ODAD1: variants seen among roughly 807,000 people sequenced by gnomAD.
The protein encoded by ODAD1 is outer dynein arm-docking complex subunit 1.
A neutral mutation model predicts 67.2 loss-of-function variants in ODAD1; 49 were observed. That is an observed-to-expected ratio of 0.73 (90% CI 0.58 to 0.92). ODAD1 has a LOEUF of 0.92. Among genes scored for constraint, ODAD1 ranks in the 40% least tolerant of loss-of-function variants. The probability of loss-of-function intolerance (pLI) is 0.00; values close to 1 mark genes in which losing one functional copy is unlikely to be tolerated. For missense variants in ODAD1, 897 were observed against 953.7 expected (o/e 0.94, Z 0.78); for synonymous variants, 345 against 393.7 (o/e 0.88, Z 1.46).
rs1600866411 is a variant in ODAD1, at chr19:48,308,684, G to A, written c.598-2361C>T. Reference sequence around the variant, plus strand: ...CTGACCCTTCTGAGTTGGGATGGGAGCTCCCCGTGTGCAGCTGCAGCCACC... The same window carrying A: ...CTGACCCTTCTGAGTTGGGATGGGAACTCCCCGTGTGCAGCTGCAGCCACC... On this transcript the variant is annotated intron_variant, in intron 7 of 15. Coordinates refer to ENST00000674294, the MANE Select transcript of ODAD1 (RefSeq NM_001364171.2). 2.0e-5 allele frequency among the ~76,000 whole-genome samples: 3 copies of A among 152,252 alleles called. No individual in the cohort carries two copies. In the South Asian group the frequency reaches 6.2e-4, roughly 31 times the overall value.
In ODAD1 at chr19:48,297,366, G is replaced by C. The variant is rs1394478466; in HGVS notation, c.1734C>G (p.Ile578Met). Reference sequence around the variant, plus strand: ...TCTTGTGGCTCAAAATGGACCCGGGGATGGCATGGGGGTGCCTGGTGGGCA... The same window carrying C: ...TCTTGTGGCTCAAAATGGACCCGGGCATGGCATGGGGGTGCCTGGTGGGCA... The part of the protein sequence containing the change: ...VLVPTRHPHA[I>M]PGSILSHKTS... Residue 578 changes from isoleucine (I) to methionine (M), a missense_variant, in exon 16 of 16, where the codon ATC becomes ATG. Coordinates refer to ENST00000674294, the MANE Select transcript of ODAD1 (RefSeq NM_001364171.2). The C allele has an allele frequency of 1.9e-6, 3 of 1,609,758 alleles. No individual in the cohort carries two copies. Among genetic ancestry groups the C allele is most frequent in the Non-Finnish European group, 2.5e-6 (3 of 1,179,966 alleles).
At chr19:48,298,579 C>T (rs1300700057) in intron 12 of ODAD1, among the ~76,000 whole-genome samples, 4 of 152,192 alleles carry the variant, frequency 2.6e-5, no homozygotes, top group African/African-American at 9.6e-5. Context: ...GAAGCCTTCC[C>T]AGTGACCCCA....
Position 48,296,701 on chromosome 19 carries a change from T to C in ODAD1, c.*275A>G, listed in dbSNP as rs943014351. Reference sequence around the variant, plus strand: ...TCAGCAGACAGGGAAGGGGCAGATATGGAGACAAGACGGACAGACACTGAC... The same window carrying C: ...TCAGCAGACAGGGAAGGGGCAGATACGGAGACAAGACGGACAGACACTGAC... On this transcript the variant is annotated 3_prime_UTR_variant, in exon 16 of 16. Coordinates refer to ENST00000674294, the MANE Select transcript of ODAD1 (RefSeq NM_001364171.2). 2.5e-6 allele frequency: 3 copies of C among 1,189,858 alleles called. No individual in the cohort carries two copies. The highest frequency in any genetic ancestry group is 3.2e-6 in the Non-Finnish European group (3 of 933,954). The allele number at this position is 1,189,858 out of a possible 1,614,324, so 73.7% of individuals were successfully genotyped here.
Position 48,320,315 on chromosome 19 carries a change from T to C in ODAD1, c.54A>G (p.Ala18=). ...GSARSEEGSE[A]FLEGMVDWEL... is the part of the protein sequence containing the mutation. ...ATGAATTACCCATTCCCTCCAGAAA[T>C]GCCTCGCTTCCCTCCTCGGAGCGGG... Residue 18 remains alanine, a synonymous_variant, in exon 3 of 16, where the codon GCA becomes GCG. Coordinates refer to ENST00000674294, the MANE Select transcript of ODAD1 (RefSeq NM_001364171.2). 7.8e-7 allele frequency: 1 copy of C among 1,288,626 alleles called. No homozygotes were observed. The highest frequency in any genetic ancestry group is 1.0e-6 in the Non-Finnish European group (1 of 987,944). 79.8% of individuals were successfully genotyped at this position (1,288,626 alleles called of 1,614,324 possible). A position where few individuals can be genotyped will look rare whatever the true frequency, so the allele number is the denominator to read the frequency against.
intron 7 of ODAD1, among the ~76,000 whole-genome samples, chr19:48,309,856 C>A (rs1968711425): frequency 6.6e-6 from 1 of 152,192 alleles, no homozygotes; most frequent in African/African-American, 2.4e-5. Flanking sequence ...CAGGTGCCTC[C>A]TGAGATCTTG....
Position 48,312,006 on chromosome 19 carries a change from G to C in ODAD1, c.471C>G (p.Asn157Lys), listed in dbSNP as rs1279336915. 3 of 1,551,262 alleles carry C rather than the reference G, an allele frequency of 1.9e-6. No homozygotes were observed. The highest frequency in any genetic ancestry group is 1.2e-5 in the South Asian group (1 of 84,032). Residue 157 changes from asparagine to lysine, a missense_variant, in exon 6 of 16, where the codon AAC becomes AAG. Physicochemically the swap from Asn to Lys is moderately conservative, Grantham distance 94. Transcript: ENST00000674294. ...GTTTGACCCTCACCCTGTCCAACTGGTTTTCTAGGATCCTGATCCTTCGCC... is the reference window on the plus strand; with the variant it reads ...GTTTGACCCTCACCCTGTCCAACTGCTTTTCTAGGATCCTGATCCTTCGCC... ...KIRRRIRILE[N>K]QLDRVTCHFD...
At chr19:48,318,901 G>T (rs1429313990) in intron 3 of ODAD1, 89 bp from the exon 4 acceptor site, 11 of 799,290 alleles carry the variant, frequency 1.4e-5, no homozygotes, top group Non-Finnish European at 2.1e-5. Context: ...CTCCCTTTGG[G>T]GTCTCACAAA....
rs1381972087 is a variant in ODAD1, at chr19:48,297,437, C to T, written c.1663G>A (p.Val555Met). ...AAAKLDGTLSVDLASTQRAGS... is the reference protein window; with the variant it reads ...AAAKLDGTLSMDLASTQRAGS... ...GCCCTCTGGGTGCTGGCCAGGTCCACGCTCAGGGTGCCGTCCAGCTTCGCG... is the reference window on the plus strand; with the variant it reads ...GCCCTCTGGGTGCTGGCCAGGTCCATGCTCAGGGTGCCGTCCAGCTTCGCG... The change falls in exon 16 of 16, where the codon GTG becomes ATG. Residue 555 changes from valine to methionine, a missense_variant. Val to Met is a conservative substitution (Grantham distance 21). Coordinates refer to ENST00000674294, the MANE Select transcript of ODAD1 (RefSeq NM_001364171.2). 8.1e-6 allele frequency: 13 copies of T among 1,603,462 alleles called. No individual in the cohort carries two copies. The highest frequency in any genetic ancestry group is 1.0e-5 in the Non-Finnish European group (12 of 1,178,826).
rs372471388 is a variant in ODAD1 at position 48,296,940 on chromosome 19, G to A, written c.*36C>T. 6 of 1,532,192 alleles carry A rather than the reference G, an allele frequency of 3.9e-6. No individual in the cohort carries two copies. The African/African-American group carries it at 4.2e-5, about 11-fold the overall frequency. 94.9% of individuals were successfully genotyped at this position (1,532,192 alleles called of 1,614,324 possible). ...GAGACACAAAAAAAGACCCCACAGAGAGCCAGGGCAGGGTGGGGGCTGCGT... is the reference window on the plus strand; with the variant it reads ...GAGACACAAAAAAAGACCCCACAGAAAGCCAGGGCAGGGTGGGGGCTGCGT... On this transcript the variant is annotated 3_prime_UTR_variant, in exon 16 of 16. Coordinates refer to ENST00000674294, the MANE Select transcript of ODAD1 (RefSeq NM_001364171.2).
At chr19:48,318,058 G>A (rs900347297) in intron 5 of ODAD1, among the ~76,000 whole-genome samples, 5 of 148,540 alleles carry the variant, frequency 3.4e-5, no homozygotes, top group African/African-American at 4.9e-5. Context: ...GGGCGACAGA[G>A]CAAGACTCCG....
intron 7 of ODAD1, among the ~76,000 whole-genome samples, 190 bp from the exon 8 acceptor site, chr19:48,306,513 CA>C (rs1419894284): frequency 6.6e-6 from 1 of 152,132 alleles, no homozygotes; most frequent in Non-Finnish European, 1.5e-5. Context: ...TAAGCTGGAT[CA>C]AAAGGCTCTT....
chr19:48,312,117 C>T lies in ODAD1; in HGVS notation c.361-1G>A. ...AGATCCGCGTCTCCCACTCCTGGAT[C>T]TACAAGAAAGAGGATGGTACCTGTT... On this transcript the variant is annotated splice_acceptor_variant, in intron 5 of 15. Transcript: ENST00000674294. LOFTEE classifies it high-confidence loss of function. 1 of 1,551,244 alleles carries T rather than the reference C, an allele frequency of 6.4e-7. No homozygotes were observed. Among genetic ancestry groups the T allele is most frequent in the Non-Finnish European group, 8.7e-7 (1 of 1,146,392 alleles).
chr19:48,304,068 C>T lies in ODAD1; in HGVS notation c.738G>A (p.Glu246=). The change falls in exon 9 of 16, where the codon GAG becomes GAA. Residue 246 remains glutamate (E), a synonymous_variant. Transcript: ENST00000674294. ...AEKEEAQSEM[E]AQVLQRQILH... Reference sequence around the variant, plus strand: ...AGATCTGCCGCTGCAGGACCTGCGCCTCCATCTCGCTCTGGGCCTCCTCTT... The same window carrying T: ...AGATCTGCCGCTGCAGGACCTGCGCTTCCATCTCGCTCTGGGCCTCCTCTT... 1 of 1,614,180 alleles carries T rather than the reference C, an allele frequency of 6.2e-7. No individual in the cohort carries two copies. Among genetic ancestry groups the T allele is most frequent in the Non-Finnish European group, 8.5e-7 (1 of 1,180,020 alleles).
At chr19:48,308,524 T>A (rs1359970167) in intron 7 of ODAD1, among the ~76,000 whole-genome samples, 1 of 152,164 alleles carries the variant, frequency 6.6e-6, no homozygotes, top group Non-Finnish European at 1.5e-5. Flanking sequence ...GTGGGAGAAA[T>A]GACAGAGTCT....
intron 12 of ODAD1, among the ~76,000 whole-genome samples, chr19:48,299,662 G>A (rs1204711310): frequency 1.3e-5 from 2 of 151,902 alleles, no homozygotes; most frequent in African/African-American, 2.4e-5. Flanking sequence ...AATTAGCTGG[G>A]TGTGGTGGTG....
At chr19:48,312,282 G>C (rs1018096104) in intron 5 of ODAD1, among the ~76,000 whole-genome samples, 166 bp from the exon 6 acceptor site, 14 of 152,160 alleles carry the variant, frequency 9.2e-5, no homozygotes, top group African/African-American at 3.4e-4. Flanking sequence ...TGTGGTTCTG[G>C]TGGGCCTTCC....
rs907436802 is a variant in ODAD1, at chr19:48,321,681, G to C, written c.-67C>G. ...GAGGCTGAGGTCTCACTAGTACCGC[G>C]GGCCTGGAAGCGGCGGGAGTTGAAA... On this transcript the variant is annotated 5_prime_UTR_variant, in exon 1 of 16. Transcript: ENST00000674294. 2.0e-5 allele frequency: 8 copies of C among 392,002 alleles called. No individual in the cohort carries two copies. The highest frequency in any genetic ancestry group is 3.6e-5 in the Non-Finnish European group (8 of 222,052). The allele number at this position is 392,002 out of a possible 1,614,324, so 24.3% of individuals were successfully genotyped here.
chr19:48,302,816 T>C lies in ODAD1; in HGVS notation c.1118A>G (p.His373Arg), dbSNP rs780566776. Residue 373 changes from histidine (H) to arginine (R), a missense_variant, in exon 12 of 16, where the codon CAT becomes CGT. Coordinates refer to ENST00000674294, the MANE Select transcript of ODAD1 (RefSeq NM_001364171.2). ...CTTCTGCTGCTGCTCCTGCAGCAAA[T>C]GCTGGTCATCCTTGCTGGCACGTGC... is the stretch of plus-strand genomic sequence containing the variant. Reference protein sequence around the residue: ...VSARASKDDQHLLQEQQQKVL... With the variant: ...VSARASKDDQRLLQEQQQKVL... 17 of 1,613,898 alleles carry C rather than the reference T, an allele frequency of 1.1e-5. No individual in the cohort carries two copies. In the East Asian group the frequency reaches 3.1e-4, roughly 30 times the overall value.
At position 48,318,484 on chromosome 19, in the gene ODAD1, T is replaced by C; in HGVS notation, c.263A>G (p.Gln88Arg). Residue 88 changes from glutamine to arginine, a missense_variant, in exon 5 of 16, where the codon CAG (glutamine) becomes CGG (arginine). By Grantham distance (43) the Gln-to-Arg change is conservative. Transcript: ENST00000674294. ...QNQVKRLRDS[Q>R]RLENMDRLLK... The stretch of plus-strand genomic sequence containing the variant: ...CAGGCGGTCCATGTTCTCCAGCCGC[T>C]GACTGTCCCGAAGCCGCTTGACCTG... The C allele has an allele frequency of 1.3e-6, 2 of 1,551,658 alleles. No individual in the cohort carries two copies. Among genetic ancestry groups the C allele is most frequent in the Non-Finnish European group, 1.7e-6 (2 of 1,146,976 alleles).
Sources: allele counts gnomAD v4.1 joint callset (sites outside exome capture counted in the v4.1 genomes callset), GRCh38; gene constraint gnomAD v4.1.1; transcripts MANE v1.5; gene names NCBI Gene and HGNC (gene_info 2026-07-23, HGNC 2026-07-21).